FZR1: variants seen among roughly 807,000 people sequenced by gnomAD.
FZR1 encodes fizzy and cell division cycle 20 related 1.
A neutral mutation model predicts 63.6 loss-of-function variants in FZR1; 11 were observed. That is an observed-to-expected ratio of 0.17 (90% CI 0.11 to 0.29). The LOEUF is 0.29. Among genes scored for constraint, FZR1 ranks in the 10% least tolerant of loss-of-function variants. The pLI, the probability that FZR1 is intolerant of heterozygous loss-of-function variation, is 1.00. For synonymous variants in FZR1, 328 were observed against 297.9 expected (o/e 1.10, Z -1.04); for missense variants, 440 against 687.5 (o/e 0.64, Z 4.03).
At chr19:3,511,614 C>T (rs2122110557) in intron 1 of FZR1, among the ~76,000 whole-genome samples, 1 of 152,242 alleles carries the variant, frequency 6.6e-6, no homozygotes, top group Non-Finnish European at 1.5e-5. Flanking sequence ...CTCTGCTTTG[C>T]GGCGCCTGGG....
chr19:3,519,469 T>G (rs1451138062), intron 1 of FZR1, among the ~76,000 whole-genome samples: 1 of 152,212 alleles, frequency 6.6e-6, no homozygotes, highest in Admixed American at 6.5e-5. Flanking sequence ...TCAGATTTGC[T>G]GGACTTGAAC....
At chr19:3,509,520 C>T (rs550269634) in intron 1 of FZR1, among the ~76,000 whole-genome samples, 1 of 152,360 alleles carries the variant, frequency 6.6e-6, no homozygotes, top group South Asian at 2.1e-4. Flanking sequence ...TGCTTTAGAG[C>T]GTGCAGTTCC....
Position 3,525,874 on chromosome 19 carries a change from G to T in FZR1, c.76G>T (p.Glu26Ter). ...CTCTGCTGATGCCCTTCAGGTCACA[G>T]AGATGCGGCGGACCCTGACGCCTGC... ...QNENTMPRVT[E>*]MRRTLTPASS... The change falls in exon 3 of 14, where the codon GAG becomes TAG. Residue 26 changes from glutamate (E) to a stop codon, truncating the protein, a stop_gained. Transcript: ENST00000441788. LOFTEE classifies it high-confidence loss of function. The surrounding 1 kb of genome is among the most constrained non-coding windows in gnomAD (Gnocchi z 4.2). The T allele has an allele frequency of 6.2e-7, 1 of 1,611,426 alleles. No individual in the cohort carries two copies.
rs2083277318 is a variant in FZR1 at position 3,534,427 on chromosome 19, T to G, written c.1354T>G (p.Ser452Ala). 6.3e-7 allele frequency: 1 copy of G among 1,592,886 alleles called. No individual in the cohort carries two copies. Residue 452 changes from serine (S) to alanine (A), a missense_variant, in exon 13 of 14, where the codon TCC (serine) becomes GCC (alanine). Physicochemically the swap from Ser to Ala is moderately conservative, Grantham distance 99 (BLOSUM62 1). Around this residue, in one of 5 missense-constraint regions of FZR1, gnomAD observed 3 missense variants for 29.9 expected, o/e 0.10. Coordinates refer to ENST00000441788, the MANE Select transcript of FZR1 (RefSeq NM_016263.4). ...GCTTCCCTCCTGTCCACAGGCAATGTCCCCTGATGGGGAGGCCATCGTCAC... is the reference window on the plus strand; with the variant it reads ...GCTTCCCTCCTGTCCACAGGCAATGGCCCCTGATGGGGAGGCCATCGTCAC... ...HSYRVLYLAMSPDGEAIVTGA... is the reference protein window; with the variant it reads ...HSYRVLYLAMAPDGEAIVTGA...
intron 1 of FZR1, among the ~76,000 whole-genome samples, chr19:3,510,198 G>A (rs957200350): frequency 3.3e-5 from 5 of 152,032 alleles, no homozygotes; most frequent in African/African-American, 7.3e-5. Flanking sequence ...GTGCAGTGGC[G>A]CAATCACAAC....
chr19:3,524,151 G>A (rs571110136), intron 2 of FZR1, among the ~76,000 whole-genome samples: 13 of 152,298 alleles, frequency 8.5e-5, no homozygotes, highest in African/African-American at 3.1e-4. Flanking sequence ...TGGGCACCAC[G>A]GCGCCCAGCA....
At position 3,535,933 on chromosome 19, in the gene FZR1, T is replaced by G. The variant is rs531897558; in HGVS notation, c.*1097T>G. ...GCTTCTCTGTCTCATGCTCCCAGGC[T>G]GCACAGCAGGCAGGGAGGGAGGCAA... On this transcript the variant is annotated 3_prime_UTR_variant, in exon 14 of 14. Transcript: ENST00000441788. 6.6e-6 allele frequency: 1 copy of G among 152,434 alleles called. No homozygotes were observed. The highest frequency in any genetic ancestry group is 2.1e-4 in the South Asian group (1 of 4,826). The allele number at this position is 152,434 out of a possible 1,614,324, so 9.4% of individuals were successfully genotyped here.
At chr19:3,528,986 G>A (rs565257927) in intron 7 of FZR1, among the ~76,000 whole-genome samples, 78 of 149,412 alleles carry the variant, frequency 5.2e-4, no homozygotes, top group African/African-American at 1.7e-3. Context: ...ATGGTTGAGC[G>A]GATGGATGAG....
At chr19:3,520,894 G>C (rs990025694) in intron 1 of FZR1, among the ~76,000 whole-genome samples, 1 of 152,234 alleles carries the variant, frequency 6.6e-6, no homozygotes, top group African/African-American at 2.4e-5. Context: ...TCAGGTGTCT[G>C]TTTCCTAAAA....
chr19:3,519,711 G>A (rs537320898), intron 1 of FZR1, among the ~76,000 whole-genome samples: 262 of 152,332 alleles, frequency 1.7e-3, no homozygotes, highest in African/African-American at 6.0e-3. Flanking sequence ...AGCCTGGACT[G>A]AGCACTGCAC....
intron 1 of FZR1, among the ~76,000 whole-genome samples, chr19:3,518,825 C>T (rs1281105299): frequency 6.6e-6 from 1 of 152,198 alleles, no homozygotes; most frequent in Non-Finnish European, 1.5e-5. Flanking sequence ...GATCAAACTA[C>T]TGCATTCCAG....
chr19:3,527,943 C>A (rs2083177621), intron 7 of FZR1, 129 bp downstream of exon 7: 18 of 589,726 alleles, frequency 3.1e-5, no homozygotes, highest in Non-Finnish European at 5.1e-5. Context: ...CTAGCTGGGG[C>A]CTCCCAGCCT....
Position 3,531,763 on chromosome 19 carries a change from AC to A in FZR1, c.771del (p.Asp257GlufsTer36), listed in dbSNP as rs1250251298. ...GTHKGFVQIW[D>X]AAAGKKLSML... ...CACAAGGGCTTCGTGCAGATCTGGG[AC>A]GCAGCCGCAGGGAAGAAGCTGTCCA... is the stretch of plus-strand genomic sequence containing the variant. On this transcript the variant is annotated frameshift_variant, in exon 9 of 14. Transcript: ENST00000441788. LOFTEE classifies it high-confidence loss of function. 6.5e-7 allele frequency: 1 copy of A among 1,549,956 alleles called. No homozygotes were observed. The highest frequency in any genetic ancestry group is 8.7e-7 in the Non-Finnish European group (1 of 1,146,674).
chr19:3,524,081 C>T (rs1026481952), intron 2 of FZR1, among the ~76,000 whole-genome samples: 1 of 152,238 alleles, frequency 6.6e-6, no homozygotes, highest in African/African-American at 2.4e-5. Context: ...TTTGCAATCT[C>T]AGGGATTTCA....
rs1037535802 is a variant in FZR1, at chr19:3,536,213, T to A, written c.*1377T>A. 1.3e-5 allele frequency: 2 copies of A among 152,304 alleles called. No individual in the cohort carries two copies. The highest frequency in any genetic ancestry group is 1.3e-4 in the Admixed American group (2 of 15,284). 9.4% of individuals were successfully genotyped at this position (152,304 alleles called of 1,614,324 possible). A position where few individuals can be genotyped will look rare whatever the true frequency, so the allele number is the denominator to read the frequency against. On this transcript the variant is annotated 3_prime_UTR_variant, in exon 14 of 14. Coordinates refer to ENST00000441788, the MANE Select transcript of FZR1 (RefSeq NM_016263.4). ...CTTTGGATTTGTTTTGTGTTTTTGT[T>A]GACTAGTCCTGGAAATGTTTGAGGC...
intron 2 of FZR1, among the ~76,000 whole-genome samples, chr19:3,524,646 C>T (rs957689307): frequency 3.9e-5 from 6 of 152,272 alleles, no homozygotes; most frequent in African/African-American, 9.6e-5. Flanking sequence ...CAGAACCTCT[C>T]CCAGTCCTGG....
At position 3,507,174 on chromosome 19, in the gene FZR1, C is replaced by T. The variant is rs190447268; in HGVS notation, c.-35+700C>T. On this transcript the variant is annotated intron_variant, in intron 1 of 13. Transcript: ENST00000441788. ...CCTCCCAGCGTGCCCCCTACCAGCC[C>T]CCATTCCCCCGAAATCCAGCTCTCC... is the stretch of plus-strand genomic sequence containing the variant. Among the ~76,000 whole-genome samples the T allele has an allele frequency of 4.7e-3, 712 of 150,912 alleles. 10 individuals are homozygous for T. Among genetic ancestry groups the T allele is most frequent in the African/African-American group, 0.017 (683 of 40,964 alleles).
intron 7 of FZR1, among the ~76,000 whole-genome samples, chr19:3,529,072 GGGAGAGCGGA>G: frequency 7.7e-6 from 1 of 129,880 alleles, no homozygotes; most frequent in African/African-American, 4.7e-5. Context: ...TTGAGCGGAT[GGGAGAGCGGA>G]TGGGAGAGCA....
Position 3,532,010 on chromosome 19 carries a change from G to C in FZR1, c.923G>C (p.Arg308Pro). 1 of 1,559,268 alleles carries C rather than the reference G, an allele frequency of 6.4e-7. No individual in the cohort carries two copies. Among genetic ancestry groups the C allele is most frequent in the Non-Finnish European group, 8.6e-7 (1 of 1,158,888 alleles). Residue 308 changes from arginine to proline, a missense_variant, in exon 10 of 14, where the codon CGG (arginine) becomes CCG (proline). Arg to Pro is a moderately radical substitution (Grantham distance 103). Coordinates refer to ENST00000441788, the MANE Select transcript of FZR1 (RefSeq NM_016263.4). ...IRTPPLQSERRLQGHRQEVCG... is the reference protein window; with the variant it reads ...IRTPPLQSERPLQGHRQEVCG... ...ACCCCGCCACTGCAGTCGGAGCGGC[G>C]GCTGCAGGGCCACCGGCAGGAGGTG...
Sources: gnomAD v4.1 joint callset for allele counts (sites outside exome capture counted in the v4.1 genomes callset) on GRCh38, gnomAD v4.1.1 for gene constraint, gnomAD v4.1.1 regional missense constraint, Gnocchi (gnomAD v3.1) non-coding constraint, MANE v1.5 for transcripts, NCBI Gene and HGNC (gene_info 2026-07-23, HGNC 2026-07-21) for gene names.